FAT3: variants seen among roughly 807,000 people sequenced by gnomAD.
The protein encoded by FAT3 is FAT atypical cadherin 3.
FAT3 carries 95 observed loss-of-function variants against 310.2 expected under a neutral mutation model. The observed-to-expected ratio is 0.31, with a 90% CI of 0.26 to 0.36. FAT3 has a LOEUF of 0.36. FAT3 is among the 10% of genes least tolerant of loss of function. FAT3 has a pLI of 1.00. For missense variants in FAT3, 5,408 were observed against 5,715.6 expected (o/e 0.95, Z 1.74); for synonymous variants, 2,314 against 2,192.9 (o/e 1.06, Z -1.54).
intron 1 of FAT3, among the ~76,000 whole-genome samples, chr11:92,305,043 C>G (rs1947086373): frequency 6.6e-6 from 1 of 152,246 alleles, no homozygotes; most frequent in South Asian, 2.1e-4. Context: ...CTTCAAAGTT[C>G]TCTCATTATA....
intron 3 of FAT3, among the ~76,000 whole-genome samples, chr11:92,665,441 A>G (rs562783761): frequency 2.6e-4 from 40 of 152,364 alleles, no homozygotes; most frequent in African/African-American, 9.6e-4. Context: ...TTAATAAAAG[A>G]GAGAAGAAAC....
chr11:92,528,204 G>A (rs1361231522), intron 3 of FAT3, among the ~76,000 whole-genome samples: 1 of 152,144 alleles, frequency 6.6e-6, no homozygotes, highest in Non-Finnish European at 1.5e-5. Flanking sequence ...GTAGTCTGTG[G>A]ACTTTCTTTA....
At position 92,837,629 on chromosome 11, in the gene FAT3, A is replaced by G. The variant is rs764327435; in HGVS notation, c.10225-34A>G. The G allele has an allele frequency of 9.9e-5, 159 of 1,611,298 alleles. 1 individual carries two copies. The South Asian group carries it at 1.6e-3, about 17-fold the overall frequency. Reference sequence around the variant, plus strand: ...GTGCACAGAAGGAAGGAAGCGCTACACCTCTTTACTGTCACCTCTTTGTAC... The same window carrying G: ...GTGCACAGAAGGAAGGAAGCGCTACGCCTCTTTACTGTCACCTCTTTGTAC... On this transcript the variant is annotated intron_variant, in intron 16 of 27. Transcript: ENST00000525166.
At chr11:92,778,777 C>T (rs912532516) in intron 7 of FAT3, among the ~76,000 whole-genome samples, 2 of 152,054 alleles carry the variant, frequency 1.3e-5, no homozygotes, top group South Asian at 2.1e-4. Flanking sequence ...CATATGCACA[C>T]ACCTGGGGGG....
intron 3 of FAT3, among the ~76,000 whole-genome samples, chr11:92,536,409 AT>A (rs766251256): frequency 5.9e-5 from 9 of 152,140 alleles, no homozygotes; most frequent in Non-Finnish European, 1.0e-4. Context: ...ATGTCTTTGC[AT>A]TTTGATCCCA....
At position 92,352,224 on chromosome 11, in the gene FAT3, C is replaced by A; in HGVS notation, c.112C>A (p.Pro38Thr). The A allele has an allele frequency of 7.2e-7, 1 of 1,385,194 alleles. No homozygotes were observed. The allele number at this position is 1,385,194 out of a possible 1,614,324, so 85.8% of individuals were successfully genotyped here. ...TVSQGLPGTG[P>T]LGFHFTHSIY... ...CTCCCAGGGGCTGCCAGGGACTGGA[C>A]CCCTGGGCTTCCACTTCACACATTC... is the stretch of plus-strand genomic sequence containing the variant. The change falls in exon 2 of 28, where the codon CCC (proline) becomes ACC (threonine). Residue 38 changes from proline (P) to threonine (T), a missense_variant. Transcript: ENST00000525166.
At chr11:92,653,285 A>C (rs2135767503) in intron 3 of FAT3, among the ~76,000 whole-genome samples, 1 of 151,986 alleles carries the variant, frequency 6.6e-6, no homozygotes, top group African/African-American at 2.4e-5. Context: ...CCTCCATAAG[A>C]CCTATTTGAA....
chr11:92,498,216 G>A (rs1262209270), intron 2 of FAT3: 1 of 172,678 alleles, frequency 5.8e-6, no homozygotes, highest in Non-Finnish European at 1.3e-5. Context: ...ATTCCCAGTA[G>A]CTTTTCCAGA....
chr11:92,811,277 A>G (rs1029266230), intron 13 of FAT3, among the ~76,000 whole-genome samples: 1 of 152,232 alleles, frequency 6.6e-6, no homozygotes, highest in African/African-American at 2.4e-5. Flanking sequence ...CTTTGGGGAA[A>G]GAGAACAGAA....
At chr11:92,792,584 G>A (rs116655573) in intron 8 of FAT3, among the ~76,000 whole-genome samples, 183 bp from the exon 9 acceptor site, 178 of 152,264 alleles carry the variant, frequency 1.2e-3, no homozygotes, top group African/African-American at 4.1e-3. Context: ...CCCTGCTCAC[G>A]ATTTGCTCAC....
chr11:92,322,596 T>C (rs982431807), intron 1 of FAT3, among the ~76,000 whole-genome samples: 13 of 152,272 alleles, frequency 8.5e-5, no homozygotes, highest in African/African-American at 2.9e-4. Context: ...CAAACTCTGC[T>C]GCTGCTTTAT....
chr11:92,611,129 TA>T (rs1240511101), intron 3 of FAT3, among the ~76,000 whole-genome samples: 2 of 151,918 alleles, frequency 1.3e-5, no homozygotes, highest in Admixed American at 6.6e-5. Context: ...TCTCTCTATT[TA>T]TTTATTTATT....
chr11:92,764,587 G>A (rs1244343911), intron 5 of FAT3, among the ~76,000 whole-genome samples: 2 of 152,010 alleles, frequency 1.3e-5, no homozygotes, highest in African/African-American at 4.8e-5. Flanking sequence ...TATTATTCAG[G>A]CCCACAAATC....
intron 3 of FAT3, among the ~76,000 whole-genome samples, chr11:92,550,846 T>C (rs1311563482): frequency 6.6e-6 from 1 of 151,580 alleles, no homozygotes; most frequent in East Asian, 1.9e-4. Context: ...AAAATGTCCC[T>C]GGCATGGGTA....
At chr11:92,628,656 A>G (rs565841835) in intron 3 of FAT3, among the ~76,000 whole-genome samples, 1 of 152,332 alleles carries the variant, frequency 6.6e-6, no homozygotes, top group South Asian at 2.1e-4. Context: ...TTTCTTTTCC[A>G]AAAGGCGGTG....
intron 2 of FAT3, among the ~76,000 whole-genome samples, chr11:92,445,742 G>T (rs932282565): frequency 2.6e-5 from 4 of 152,018 alleles, no homozygotes; most frequent in Admixed American, 1.3e-4. Context: ...GTTCATTTTT[G>T]GGGGGGTGCA....
At chr11:92,271,456 G>A (rs1946120240) in intron 1 of FAT3, among the ~76,000 whole-genome samples, 1 of 151,982 alleles carries the variant, frequency 6.6e-6, no homozygotes, top group South Asian at 2.1e-4. Flanking sequence ...CTCCCCCTTA[G>A]GATGATCATA....
chr11:92,606,937 T>C (rs534028433), intron 3 of FAT3, among the ~76,000 whole-genome samples: 20 of 152,274 alleles, frequency 1.3e-4, no homozygotes, highest in Non-Finnish European at 2.6e-4. Context: ...CAATGGTCAT[T>C]ACCATGACTC....
intron 4 of FAT3, among the ~76,000 whole-genome samples, chr11:92,735,668 T>C (rs899731927): frequency 6.6e-6 from 1 of 151,948 alleles, no homozygotes; most frequent in Non-Finnish European, 1.5e-5. Context: ...AAAAATTAAT[T>C]TACAATGATT....
Sources: allele counts gnomAD v4.1 joint callset (sites outside exome capture counted in the v4.1 genomes callset), GRCh38; gene constraint gnomAD v4.1.1; transcripts MANE v1.5; gene names NCBI Gene and HGNC (gene_info 2026-07-23, HGNC 2026-07-21).